LRTM1: variants seen among roughly 807,000 people sequenced by gnomAD.
LRTM1 encodes leucine-rich repeat and transmembrane domain-containing protein 1.
A neutral mutation model predicts 32.4 loss-of-function variants in LRTM1; 38 were observed. The observed-to-expected ratio is 1.17, with a 90% CI of 0.91 to 1.54. The LOEUF is 1.54. LRTM1 is among the 40% of genes most tolerant of loss of function. The probability of loss-of-function intolerance (pLI) is 0.00; values close to 1 mark genes in which losing one functional copy is unlikely to be tolerated. For missense variants in LRTM1, 466 were observed against 415.4 expected (o/e 1.12, Z -1.06); for synonymous variants, 186 against 169.9 (o/e 1.09, Z -0.74).
intron 2 of LRTM1, 151 bp downstream of exon 2, chr3:54,924,468 C>G: frequency 1.5e-6 from 1 of 648,300 alleles, no homozygotes; most frequent in Non-Finnish European, 2.7e-6. Flanking sequence ...TCACTTGACT[C>G]TTTTGCCATA....
chr3:54,923,746 A>G (rs1019266068), intron 2 of LRTM1, among the ~76,000 whole-genome samples: 7 of 152,274 alleles, frequency 4.6e-5, no homozygotes, highest in East Asian at 1.9e-4. Flanking sequence ...CCCAAAAGCC[A>G]TGCCTTCTGT....
chr3:54,966,028 G>T (rs974312966), intron 1 of LRTM1, among the ~76,000 whole-genome samples: 26 of 152,256 alleles, frequency 1.7e-4, no homozygotes, highest in Admixed American at 1.2e-3. Flanking sequence ...GGACCGACAG[G>T]GGCAGATGAG....
At chr3:54,951,528 A>G (rs1420684749) in intron 1 of LRTM1, among the ~76,000 whole-genome samples, 1 of 152,148 alleles carries the variant, frequency 6.6e-6, no homozygotes, top group Non-Finnish European at 1.5e-5. Context: ...GTGAACTTTG[A>G]AGCATCTCTA....
intron 1 of LRTM1, among the ~76,000 whole-genome samples, chr3:54,941,252 T>C (rs1357322718): frequency 2.6e-5 from 4 of 152,244 alleles, no homozygotes; most frequent in Non-Finnish European, 5.9e-5. Flanking sequence ...GGGCATATAG[T>C]GTTTCCATGG....
chr3:54,955,010 A>C (rs1237292471), intron 1 of LRTM1, among the ~76,000 whole-genome samples: 2 of 152,222 alleles, frequency 1.3e-5, no homozygotes, highest in African/African-American at 4.8e-5. Flanking sequence ...AGAGGTGTAG[A>C]GAAAACTTCC....
At chr3:54,924,188 A>G (rs185713648) in intron 2 of LRTM1, among the ~76,000 whole-genome samples, 58 of 152,350 alleles carry the variant, frequency 3.8e-4, no homozygotes, top group African/African-American at 1.4e-3. Flanking sequence ...GAAAAGAATT[A>G]CAGTTGTCAA....
chr3:54,933,625 A>G (rs1317742890), intron 1 of LRTM1, among the ~76,000 whole-genome samples: 1 of 152,180 alleles, frequency 6.6e-6, no homozygotes, highest in Non-Finnish European at 1.5e-5. Context: ...ATTTTATTGC[A>G]TTATCTCACT....
upstream of LRTM1, among the ~76,000 whole-genome samples, chr3:54,929,511 C>T (rs1195844604): frequency 6.6e-6 from 1 of 152,176 alleles, no homozygotes; most frequent in Non-Finnish European, 1.5e-5. Flanking sequence ...ACAACCTGTA[C>T]TTTGTGGACT....
intron 2 of LRTM1, among the ~76,000 whole-genome samples, chr3:54,921,842 A>G (rs2106932400): frequency 6.6e-6 from 1 of 152,280 alleles, no homozygotes; most frequent in Admixed American, 6.5e-5. Context: ...TATATAACTA[A>G]AGTCTGGGCT....
At chr3:54,936,190 A>G (rs1357901795) in intron 1 of LRTM1, among the ~76,000 whole-genome samples, 1 of 152,178 alleles carries the variant, frequency 6.6e-6, no homozygotes, top group Non-Finnish European at 1.5e-5. Flanking sequence ...TTTTGCACAT[A>G]GTAATATACA....
chr3:54,943,892 T>A (rs1459688416), intron 1 of LRTM1, among the ~76,000 whole-genome samples: 5 of 152,182 alleles, frequency 3.3e-5, no homozygotes. Flanking sequence ...TGACTTAATT[T>A]CTCATTTAGG....
intron 1 of LRTM1, among the ~76,000 whole-genome samples, chr3:54,955,248 G>C (rs2107028037): frequency 1.3e-5 from 2 of 152,246 alleles, no homozygotes; most frequent in Middle Eastern, 3.4e-3. Context: ...TAGGGAAGGT[G>C]AGGGGCAGAG....
chr3:54,925,720 T>C (rs1472067031), intron 1 of LRTM1, among the ~76,000 whole-genome samples: 1 of 152,248 alleles, frequency 6.6e-6, no homozygotes, highest in Non-Finnish European at 1.5e-5. Context: ...CATGTGTGGC[T>C]ACCGAGCTCT....
intron 2 of LRTM1, among the ~76,000 whole-genome samples, chr3:54,921,960 T>C (rs1005715242): frequency 1.3e-5 from 2 of 152,226 alleles, no homozygotes; most frequent in African/African-American, 4.8e-5. Context: ...TTATTTTGCC[T>C]GTATTCAATA....
intron 1 of LRTM1, among the ~76,000 whole-genome samples, chr3:54,938,648 A>G (rs1701387355): frequency 6.6e-6 from 1 of 151,472 alleles, no homozygotes; most frequent in Admixed American, 6.6e-5. Context: ...ACATCTTGAT[A>G]TAGACTCAGT....
intron 1 of LRTM1, among the ~76,000 whole-genome samples, chr3:54,944,119 A>C (rs547613505): frequency 6.6e-6 from 1 of 152,174 alleles, no homozygotes; most frequent in African/African-American, 2.4e-5. Context: ...CCATTTCCAT[A>C]TCCTTTGGTA....
intron 1 of LRTM1, among the ~76,000 whole-genome samples, chr3:54,949,932 TA>T (rs1701714936): frequency 6.6e-6 from 1 of 152,214 alleles, no homozygotes; most frequent in South Asian, 2.1e-4. Context: ...CCACCCCAAA[TA>T]ATGTTTCTCT....
upstream of LRTM1, among the ~76,000 whole-genome samples, chr3:54,930,832 A>G (rs1185553063): frequency 2.0e-5 from 3 of 152,192 alleles, no homozygotes; most frequent in South Asian, 4.1e-4. Flanking sequence ...ATGGTGGCTC[A>G]CGCCTGTAAT....
intron 1 of LRTM1, among the ~76,000 whole-genome samples, chr3:54,963,773 C>G (rs941893458): frequency 6.6e-6 from 1 of 152,160 alleles, no homozygotes; most frequent in Admixed American, 6.5e-5. Context: ...GCGGTTGTGT[C>G]TCTCACATCT....
Sources: gnomAD v4.1 joint callset for allele counts (sites outside exome capture counted in the v4.1 genomes callset) on GRCh38, gnomAD v4.1.1 for gene constraint, MANE v1.5 for transcripts, NCBI Gene and HGNC (gene_info 2026-07-23, HGNC 2026-07-21) for gene names.